MAGI2: variants seen among roughly 807,000 people sequenced by gnomAD.
The protein encoded by MAGI2 is membrane-associated guanylate kinase, WW and PDZ domain-containing protein 2.
MAGI2 carries 35 observed loss-of-function variants against 133.3 expected under a neutral mutation model. The ratio of observed to expected loss-of-function variants is 0.26; its 90% CI spans 0.20 to 0.35. The LOEUF (loss-of-function observed/expected upper bound fraction) is 0.35, where lower values mean the gene tolerates loss of function less well. Among genes scored for constraint, MAGI2 ranks in the 10% least tolerant of loss-of-function variants. The pLI, the probability that MAGI2 is intolerant of heterozygous loss-of-function variation, is 1.00. For missense variants in MAGI2, 1,636 were observed against 1,863.4 expected (o/e 0.88, Z 2.25); for synonymous variants, 729 against 710.6 (o/e 1.03, Z -0.41).
chr7:78,480,485 A>G (rs976201328), intron 6 of MAGI2, among the ~76,000 whole-genome samples: 6 of 151,910 alleles, frequency 3.9e-5, no homozygotes, highest in Admixed American at 1.3e-4. Context: ...AAAATCCTCA[A>G]TAAAATATTA....
chr7:78,965,952 G>A (rs575230254), intron 2 of MAGI2, among the ~76,000 whole-genome samples: 2 of 152,084 alleles, frequency 1.3e-5, no homozygotes, highest in South Asian at 4.1e-4. Flanking sequence ...TTGTTTTACA[G>A]ATGAAGAAAC....
rs71085515 is a variant in MAGI2 at position 78,208,135 on chromosome 7, C to CTTTTTTTTTTTT, written c.2048-6954_2048-6943dup. On this transcript the variant is annotated intron_variant, in intron 10 of 21. Transcript: ENST00000354212. ...CATCCACCTCGGCCTCCCAAAGTGGCTTTTTTTTTTTTTTTTTTTTAATAT... is the reference window on the plus strand; with the variant it reads ...CATCCACCTCGGCCTCCCAAAGTGGCTTTTTTTTTTTTTTTTTTTTTTTTTTTTTTTTAATAT... Among the ~76,000 whole-genome samples, 2 of 115,602 alleles carry CTTTTTTTTTTTT rather than the reference C, an allele frequency of 1.7e-5. 1 individual carries two copies. Among genetic ancestry groups the CTTTTTTTTTTTT allele is most frequent in the African/African-American group, 6.7e-5 (2 of 29,840 alleles). The allele number at this position is 115,602 out of a possible 152,430, so 75.8% of individuals were successfully genotyped here. A position where few individuals can be genotyped will look rare whatever the true frequency, so the allele number is the denominator to read the frequency against.
At chr7:79,388,473 T>C (rs1844357369) in intron 1 of MAGI2, among the ~76,000 whole-genome samples, 1 of 151,996 alleles carries the variant, frequency 6.6e-6, no homozygotes, top group Non-Finnish European at 1.5e-5. Flanking sequence ...CGTAAGTTAT[T>C]CTTAGTTCAT....
chr7:78,608,218 T>C (rs1269877082), intron 3 of MAGI2, among the ~76,000 whole-genome samples: 7 of 152,070 alleles, frequency 4.6e-5, no homozygotes, highest in Non-Finnish European at 7.4e-5. Context: ...ACATCTTTGC[T>C]TTGGTGGGGG....
chr7:78,376,784 C>T (rs548104672), intron 6 of MAGI2, among the ~76,000 whole-genome samples: 2 of 152,134 alleles, frequency 1.3e-5, no homozygotes, highest in East Asian at 1.9e-4. Flanking sequence ...TGACAAGAAG[C>T]GGTGGCAGAA....
At chr7:78,241,815 TC>T (rs1791173639) in intron 10 of MAGI2, among the ~76,000 whole-genome samples, 1 of 151,482 alleles carries the variant, frequency 6.6e-6, no homozygotes, top group Admixed American at 6.6e-5. Context: ...GCACCTGTAA[TC>T]CCAGCTTCTC....
At chr7:78,538,230 C>G (rs187263813) in intron 3 of MAGI2, among the ~76,000 whole-genome samples, 11 of 152,226 alleles carry the variant, frequency 7.2e-5, no homozygotes, top group African/African-American at 2.6e-4. Context: ...GTGACTATAG[C>G]CTTGTAGTAT....
At chr7:79,431,775 G>C (rs73704825) in intron 1 of MAGI2, among the ~76,000 whole-genome samples, 4,034 of 152,234 alleles carry the variant, frequency 0.026, 171 homozygotes, top group African/African-American at 0.093. Context: ...AACTGTCTGT[G>C]TTGCAGTTTG....
intron 6 of MAGI2, among the ~76,000 whole-genome samples, chr7:78,462,779 T>C (rs1224804455): frequency 6.6e-6 from 1 of 152,200 alleles, no homozygotes; most frequent in Non-Finnish European, 1.5e-5. Context: ...TGAAGGTATA[T>C]TCACAGTCAG....
In MAGI2 at chr7:78,231,930, G is replaced by T. The variant is rs528535133; in HGVS notation, c.2047+24013C>A. On this transcript the variant is annotated intron_variant, in intron 10 of 21. Transcript: ENST00000354212. ...GATTTTTACTTCCAAGTCTAACCAA[G>T]AGGGTTTTTTTTCCCATAATACAAC... is the stretch of plus-strand genomic sequence containing the variant. Among the ~76,000 whole-genome samples the T allele has an allele frequency of 3.0e-5, 4 of 134,182 alleles. No homozygotes were observed. In the South Asian group the frequency reaches 6.9e-4, roughly 23 times the overall value. 88.0% of individuals were successfully genotyped at this position (134,182 alleles called of 152,430 possible).
At chr7:78,605,743 A>G (rs912918755) in intron 3 of MAGI2, among the ~76,000 whole-genome samples, 4 of 152,150 alleles carry the variant, frequency 2.6e-5, no homozygotes, top group African/African-American at 9.7e-5. Context: ...AAACAAATAT[A>G]ATATTTTAGG....
intron 1 of MAGI2, among the ~76,000 whole-genome samples, chr7:79,341,042 G>T (rs1343045600): frequency 6.6e-6 from 1 of 152,082 alleles, no homozygotes; most frequent in African/African-American, 2.4e-5. Flanking sequence ...TTGACCATTT[G>T]TCTGCATCTG....
rs1019007223 is a variant in MAGI2, at chr7:78,823,936, A to C, written c.418+183154T>G. Among the ~76,000 whole-genome samples the C allele has an allele frequency of 8.6e-5, 12 of 139,642 alleles. No homozygotes were observed. The East Asian group carries it at 1.2e-3, about 14-fold the overall frequency. The allele number at this position is 139,642 out of a possible 152,430, so 91.6% of individuals were successfully genotyped here. ...ACACACACACACACACACACACACA[A>C]AATGCATTGTCAATACTGCTTTAAT... is the stretch of plus-strand genomic sequence containing the variant. On this transcript the variant is annotated intron_variant, in intron 2 of 21. Coordinates refer to ENST00000354212, the MANE Select transcript of MAGI2 (RefSeq NM_012301.4).
intron 20 of MAGI2, among the ~76,000 whole-genome samples, chr7:78,100,137 G>A (rs3807738): frequency 3.9e-5 from 6 of 152,078 alleles, no homozygotes; most frequent in East Asian, 1.9e-4. Context: ...CCTCTAGGGC[G>A]TAACTATGAG....
intron 6 of MAGI2, among the ~76,000 whole-genome samples, chr7:78,440,268 C>T (rs995192672): frequency 9.2e-5 from 14 of 152,090 alleles, no homozygotes; most frequent in Non-Finnish European, 1.5e-4. Flanking sequence ...AAGGTAGGTG[C>T]TTTCATTTTC....
At chr7:79,409,464 G>GTT (rs113037002) in intron 1 of MAGI2, among the ~76,000 whole-genome samples, 51 of 145,942 alleles carry the variant, frequency 3.5e-4, no homozygotes, top group Middle Eastern at 3.5e-3. Flanking sequence ...TTTTCTTTCT[G>GTT]TTTTTTTTTT....
intron 3 of MAGI2, among the ~76,000 whole-genome samples, chr7:78,597,625 A>G (rs1393564241): frequency 2.0e-5 from 3 of 152,014 alleles, no homozygotes; most frequent in Admixed American, 2.0e-4. Flanking sequence ...ATATGGGTAG[A>G]CTCTCGAGAT....
rs546813341 is a variant in MAGI2, at chr7:78,874,926, T to C, written c.418+132164A>G. 4.6e-5 allele frequency among the ~76,000 whole-genome samples: 7 copies of C among 152,134 alleles called. No individual in the cohort carries two copies. In the South Asian group the frequency reaches 1.5e-3, roughly 32 times the overall value. ...TTATGTGTCAATTAAAATGAAACTATTGGAAGGAAATGTAAAGTGACTAAA... is the reference window on the plus strand; with the variant it reads ...TTATGTGTCAATTAAAATGAAACTACTGGAAGGAAATGTAAAGTGACTAAA... On this transcript the variant is annotated intron_variant, in intron 2 of 21. Coordinates refer to ENST00000354212, the MANE Select transcript of MAGI2 (RefSeq NM_012301.4).
intron 16 of MAGI2, among the ~76,000 whole-genome samples, chr7:78,152,600 GA>G (rs1823995121): frequency 6.6e-6 from 1 of 152,224 alleles, no homozygotes. Context: ...TTACTTGACT[GA>G]AAACATATTA....
Sources: gnomAD v4.1 joint callset for allele counts (sites outside exome capture counted in the v4.1 genomes callset) on GRCh38, gnomAD v4.1.1 for gene constraint, MANE v1.5 for transcripts, NCBI Gene and HGNC (gene_info 2026-07-23, HGNC 2026-07-21) for gene names.